Variants in DENND4C observed in about 807,000 individuals in gnomAD.
DENND4C encodes DENN domain containing 4C, also known as DENN domain-containing protein 4C.
DENND4C carries 108 observed loss-of-function variants against 203.0 expected under a neutral mutation model. The observed-to-expected ratio is 0.53, with a 90% CI of 0.46 to 0.62. DENND4C has a LOEUF of 0.62. DENND4C is among the 20% of genes least tolerant of loss of function. The pLI is 0.00. For synonymous variants in DENND4C, 871 were observed against 792.4 expected, an observed-to-expected ratio of 1.10 and a Z score of -1.67; for missense variants, 2,481 against 2,301.2, an observed-to-expected ratio of 1.08 and a Z score of -1.60.
At chr9:19,319,432 A>C (rs1336402043) in intron 12 of DENND4C, among the ~76,000 whole-genome samples, 1 of 145,952 alleles carries the variant, frequency 6.9e-6, no homozygotes, top group Non-Finnish European at 1.5e-5. Context: ...ATATATATAT[A>C]CACACATATA....
At chr9:19,369,766 C>CAAAAAAAA in intron 30 of DENND4C, 71 bp from the exon 31 acceptor site, 1 of 678,728 alleles carries the variant, frequency 1.5e-6, no homozygotes, top group Non-Finnish European at 1.9e-6. Context: ...GATGTTGTCT[C>CAAAAAAAA]AAAAAAAAAA....
At chr9:19,237,509 G>A (rs147280586) in intron 1 of DENND4C, among the ~76,000 whole-genome samples, 9 of 152,166 alleles carry the variant, frequency 5.9e-5, no homozygotes, top group African/African-American at 1.7e-4. Context: ...GTGCCACCAC[G>A]CCTGGCTAAT....
chr9:19,284,518 T>C (rs1240694428), intron 2 of DENND4C, among the ~76,000 whole-genome samples: 5 of 152,182 alleles, frequency 3.3e-5, no homozygotes, highest in Non-Finnish European at 1.5e-5. Flanking sequence ...TAAATAATTT[T>C]GTTAAATGTT....
At chr9:19,242,368 C>G (rs905159244) in intron 1 of DENND4C, among the ~76,000 whole-genome samples, 7 of 152,166 alleles carry the variant, frequency 4.6e-5, no homozygotes, top group African/African-American at 1.7e-4. Flanking sequence ...ACGAATAAAG[C>G]TGCTTATAAT....
Position 19,346,860 on chromosome 9 carries a change from C to T in DENND4C, c.4091C>T (p.Pro1364Leu). The T allele has an allele frequency of 5.0e-6, 8 of 1,614,188 alleles. No individual in the cohort carries two copies. The highest frequency in any genetic ancestry group is 6.8e-6 in the Non-Finnish European group (8 of 1,180,030). Residue 1364 changes from proline to leucine, a missense_variant, in exon 23 of 33, where the codon CCC (proline) becomes CTC (leucine). Coordinates refer to ENST00000434457, the MANE Select transcript of DENND4C (RefSeq NM_001330640.2). ...TFTGRFKQQT[P>L]SRTHKERSTS... ...ACTGGGCGTTTCAAGCAGCAAACCC[C>T]CTCTCGAACTCATAAAGAACGTTCA...
chr9:19,261,861 T>C (rs1829438314), intron 1 of DENND4C, among the ~76,000 whole-genome samples: 1 of 151,090 alleles, frequency 6.6e-6, no homozygotes, highest in Admixed American at 6.6e-5. Context: ...TATTTATTGT[T>C]TTAGTTGTAG....
chr9:19,263,757 C>T (rs898961726), intron 1 of DENND4C, among the ~76,000 whole-genome samples: 14 of 151,662 alleles, frequency 9.2e-5, no homozygotes, highest in Admixed American at 2.6e-4. Flanking sequence ...CGGGTTCAAG[C>T]GATTTTCTTG....
rs71508783 is a variant in DENND4C, at chr9:19,309,963, T to G, written c.1487+4436T>G. On this transcript the variant is annotated intron_variant, in intron 10 of 32. Transcript: ENST00000434457. ...TTCACTTCATTGGTCTTTTCAGAAT[T>G]TTTTGGTGAACTTTGTGTTTTCTCC... Among the ~76,000 whole-genome samples the G allele has an allele frequency of 1.6e-3, 244 of 152,310 alleles. 1 individual carries two copies. The highest frequency in any genetic ancestry group is 2.6e-3 in the Non-Finnish European group (176 of 68,020).
At chr9:19,351,676 G>A (rs924903377) in intron 24 of DENND4C, among the ~76,000 whole-genome samples, 2 of 151,830 alleles carry the variant, frequency 1.3e-5, no homozygotes, top group Admixed American at 6.6e-5. Context: ...GCGTGGCAGC[G>A]TGCGCCTGTA....
chr9:19,340,504 C>G (rs777641959), intron 20 of DENND4C, among the ~76,000 whole-genome samples: 5 of 151,984 alleles, frequency 3.3e-5, no homozygotes, highest in Non-Finnish European at 7.4e-5. Flanking sequence ...TGTATTCTAT[C>G]TCCAAAGATA....
chr9:19,319,316 A>G (rs1229983305), intron 12 of DENND4C, among the ~76,000 whole-genome samples: 1 of 42,072 alleles, frequency 2.4e-5, no homozygotes, highest in East Asian at 6.2e-3. Flanking sequence ...ATATATACAC[A>G]CATATATATA....
Position 19,339,143 on chromosome 9 carries a change from C to A in DENND4C, c.2882-1849C>A, listed in dbSNP as rs57623461. Among the ~76,000 whole-genome samples the A allele has an allele frequency of 7.1e-3, 1,087 of 152,230 alleles. 7 individuals are homozygous for A. Among genetic ancestry groups the A allele is most frequent in the African/African-American group, 0.024 (1,014 of 41,538 alleles). ...TTCTGCATGCATGCACATACCATTTCTTTTTCCTAAGTCATGTGAGCAGGT... is the reference window on the plus strand; with the variant it reads ...TTCTGCATGCATGCACATACCATTTATTTTTCCTAAGTCATGTGAGCAGGT... On this transcript the variant is annotated intron_variant, in intron 20 of 32. Coordinates refer to ENST00000434457, the MANE Select transcript of DENND4C (RefSeq NM_001330640.2).
intron 10 of DENND4C, among the ~76,000 whole-genome samples, chr9:19,315,314 C>T (rs1389191406): frequency 1.6e-4 from 25 of 151,970 alleles, no homozygotes; most frequent in Admixed American, 1.6e-3. Flanking sequence ...TGTTAATCTT[C>T]AGGGCAGATG....
rs915541414 is a variant in DENND4C at position 19,324,502 on chromosome 9, G to A, written c.1948G>A (p.Glu650Lys). The change falls in exon 13 of 33, where the codon GAA (glutamate) becomes AAA (lysine). Residue 650 changes from glutamate to lysine, a missense_variant. Physicochemically the swap from Glu to Lys is moderately conservative, Grantham distance 56. Coordinates refer to ENST00000434457, the MANE Select transcript of DENND4C (RefSeq NM_001330640.2). ...ATTAGCATTTTTTGATGACTGCATA[G>A]AAAAGGTAAAAGTTTGTACTTATAC... ...TGLAFFDDCI[E>K]KLFPDKGTEK... The A allele has an allele frequency of 1.9e-6, 3 of 1,603,130 alleles. No individual in the cohort carries two copies. The highest frequency in any genetic ancestry group is 2.5e-6 in the Non-Finnish European group (3 of 1,177,724).
In DENND4C at chr9:19,239,895, G is replaced by A. The variant is rs1012902507; in HGVS notation, c.-18+9062G>A. ...AAAGATGGTTTATCTTGCTGTTGTT[G>A]GGTGCAGTGTTCTATAAATAACAAT... On this transcript the variant is annotated intron_variant, in intron 1 of 32. Transcript: ENST00000434457. Among the ~76,000 whole-genome samples the A allele has an allele frequency of 2.6e-5, 4 of 152,116 alleles. No individual in the cohort carries two copies. The East Asian group carries it at 7.7e-4, about 29-fold the overall frequency.
intron 2 of DENND4C, among the ~76,000 whole-genome samples, chr9:19,280,658 T>C (rs987344138): frequency 2.6e-5 from 4 of 152,084 alleles, no homozygotes; most frequent in Admixed American, 6.5e-5. Context: ...CAGGTACTTA[T>C]TTTGTGTTCC....
Position 19,283,014 on chromosome 9 carries a change from T to A in DENND4C, c.306-3755T>A, listed in dbSNP as rs984485364. ...AATTACAGGCGTGAGCCACCGCCTC[T>A]GACCAGTTTTTATTTTCTTATTTTG... On this transcript the variant is annotated intron_variant, in intron 2 of 32. Coordinates refer to ENST00000434457, the MANE Select transcript of DENND4C (RefSeq NM_001330640.2). Among the ~76,000 whole-genome samples, 29 of 152,006 alleles carry A rather than the reference T, an allele frequency of 1.9e-4. 1 individual carries two copies. The highest frequency in any genetic ancestry group is 7.4e-5 in the Non-Finnish European group (5 of 67,986).
chr9:19,309,345 C>A (rs373897957), intron 10 of DENND4C, among the ~76,000 whole-genome samples: 3 of 151,784 alleles, frequency 2.0e-5, no homozygotes, highest in African/African-American at 7.2e-5. Flanking sequence ...TTGCTTGAAC[C>A]CAGGAGGCAG....
intron 1 of DENND4C, among the ~76,000 whole-genome samples, chr9:19,237,742 A>G (rs751615668): frequency 6.6e-6 from 1 of 152,254 alleles, no homozygotes; most frequent in East Asian, 1.9e-4. Flanking sequence ...TTTCCTGCCT[A>G]TTGCCGCTGG....
Sources: allele counts gnomAD v4.1 joint callset (sites outside exome capture counted in the v4.1 genomes callset), GRCh38; gene constraint gnomAD v4.1.1; transcripts MANE v1.5; gene names NCBI Gene and HGNC (gene_info 2026-07-23, HGNC 2026-07-21).